Variants in SH3BP4 observed in about 807,000 individuals in gnomAD.
SH3BP4 encodes SH3 domain-binding protein 4.
Under a neutral mutation model 65.5 loss-of-function variants are expected in SH3BP4, and 33 were observed. The ratio of observed to expected loss-of-function variants is 0.50; its 90% CI spans 0.38 to 0.67. SH3BP4 has a LOEUF of 0.67. Among genes scored for constraint, SH3BP4 ranks in the 30% least tolerant of loss-of-function variants. The pLI is 0.00. For synonymous variants in SH3BP4, 552 were observed against 545.5 expected (o/e 1.01, Z -0.17); for missense variants, 1,134 against 1,261.4 (o/e 0.90, Z 1.53).
At chr2:235,039,304 C>T (rs79309730) in intron 3 of SH3BP4, among the ~76,000 whole-genome samples, 4,873 of 152,200 alleles carry the variant, frequency 0.032, 103 homozygotes, top group Non-Finnish European at 0.049. Flanking sequence ...CTAACACTTT[C>T]CCAAGGAAGT....
At chr2:235,010,846 C>T (rs376602787) in intron 2 of SH3BP4, among the ~76,000 whole-genome samples, 8 of 128,858 alleles carry the variant, frequency 6.2e-5, no homozygotes, top group African/African-American at 1.7e-4. Flanking sequence ...TAGGAGAACC[C>T]TTCCTCCCTC....
At chr2:234,999,863 C>G (rs138238858) in intron 2 of SH3BP4, among the ~76,000 whole-genome samples, 9 of 152,376 alleles carry the variant, frequency 5.9e-5, no homozygotes, top group African/African-American at 2.2e-4. Context: ...GTCACGCGGC[C>G]TCTGCTGCTC....
chr2:235,000,630 G>A (rs1044834282), intron 2 of SH3BP4, among the ~76,000 whole-genome samples: 12 of 152,320 alleles, frequency 7.9e-5, no homozygotes, highest in African/African-American at 1.4e-4. Flanking sequence ...TCCCCATTGC[G>A]TAGAGGTGGG....
intron 1 of SH3BP4, among the ~76,000 whole-genome samples, chr2:234,971,119 C>T (rs1052049313): frequency 1.3e-5 from 2 of 152,190 alleles, no homozygotes; most frequent in Non-Finnish European, 2.9e-5. Context: ...AGAATCTTCA[C>T]ACCTTTTTCA....
intron 1 of SH3BP4, among the ~76,000 whole-genome samples, chr2:234,968,192 C>G (rs1692887344): frequency 6.6e-6 from 1 of 152,064 alleles, no homozygotes; most frequent in Admixed American, 6.6e-5. Context: ...AATCTGAACT[C>G]TATTCAGGGA....
Position 235,055,443 on chromosome 2 carries a change from C to T in SH3BP4, c.*1627C>T, listed in dbSNP as rs1696194928. ...ATTCGCCAATCATCCCACCATATAA[C>T]CTTCGATTGTGCTTCTCAACTCCAC... On this transcript the variant is annotated 3_prime_UTR_variant, in exon 6 of 6. Transcript: ENST00000392011. 2 of 152,570 alleles carry T rather than the reference C, an allele frequency of 1.3e-5. No homozygotes were observed. Among genetic ancestry groups the T allele is most frequent in the African/African-American group, 4.8e-5 (2 of 41,420 alleles). The allele number at this position is 152,570 out of a possible 1,614,324, so 9.5% of individuals were successfully genotyped here.
At chr2:235,022,600 G>A (rs34469870) in intron 2 of SH3BP4, among the ~76,000 whole-genome samples, 3,261 of 152,214 alleles carry the variant, frequency 0.021, 47 homozygotes, top group Non-Finnish European at 0.033. Flanking sequence ...TGTTGAAAGC[G>A]GGTGAATCGA....
intron 2 of SH3BP4, among the ~76,000 whole-genome samples, chr2:235,027,424 CA>C: frequency 6.8e-6 from 1 of 147,326 alleles, no homozygotes; most frequent in East Asian, 2.1e-4. Context: ...CCGTCAGTAA[CA>C]GGAGGACCGA....
chr2:235,046,407 A>G lies in SH3BP4; in HGVS notation c.2478+3160A>G, dbSNP rs763132101. On this transcript the variant is annotated intron_variant, in intron 4 of 5. Transcript: ENST00000392011. This position sits in a 1 kb window ranked among gnomAD's most constrained non-coding sequence, Gnocchi z 4.2. ...AACATAGTGAGGCTTCATCTCTCCA[A>G]TTTTTTTTTTTTAAATCAGCCAGGT... 1.4e-5 allele frequency among the ~76,000 whole-genome samples: 2 copies of G among 146,624 alleles called. No individual in the cohort carries two copies. The highest frequency in any genetic ancestry group is 3.0e-5 in the Non-Finnish European group (2 of 66,194).
rs1326815129 is a variant in SH3BP4, at chr2:234,997,966, C to CA, written c.-133+2597dup. Among the ~76,000 whole-genome samples, 11 of 151,806 alleles carry CA rather than the reference C, an allele frequency of 7.2e-5. No homozygotes were observed. Among genetic ancestry groups the CA allele is most frequent in the African/African-American group, 1.5e-4 (6 of 41,308 alleles). ...TGAAACCCTGTCTCTACTAAAAATA[C>CA]AAAAAAATTAGCCGGGCGTGGTGGT... On this transcript the variant is annotated intron_variant, in intron 2 of 5. Coordinates refer to ENST00000392011, the MANE Select transcript of SH3BP4 (RefSeq NM_014521.3). The surrounding 1 kb of genome is among the most constrained non-coding windows in gnomAD (Gnocchi z 4.2).
chr2:234,988,031 C>G (rs183298764), intron 1 of SH3BP4, among the ~76,000 whole-genome samples: 70 of 152,246 alleles, frequency 4.6e-4, no homozygotes, highest in Admixed American at 2.0e-3. Flanking sequence ...GCATTTTCCT[C>G]AGGTGTTTAA....
chr2:234,969,936 TACAC>T lies in SH3BP4; in HGVS notation c.-207+17773_-207+17776del, dbSNP rs72458630. ...ACTCTGTCACACACACACATTTGCA[TACAC>T]ACACACTCCCTGTCTCTCACACACA... On this transcript the variant is annotated intron_variant, in intron 1 of 5. Transcript: ENST00000392011. Among the ~76,000 whole-genome samples the T allele has an allele frequency of 4.7e-5, 7 of 148,768 alleles. No individual in the cohort carries two copies. The South Asian group carries it at 1.5e-3, about 32-fold the overall frequency.
chr2:234,990,589 C>T (rs532630719), intron 1 of SH3BP4, among the ~76,000 whole-genome samples: 2 of 152,340 alleles, frequency 1.3e-5, no homozygotes, highest in South Asian at 4.1e-4. Flanking sequence ...CGTGGACCAG[C>T]TCTTGGTGTG....
At chr2:235,038,232 T>G in intron 3 of SH3BP4, among the ~76,000 whole-genome samples, 1 of 59,894 alleles carries the variant, frequency 1.7e-5, no homozygotes, top group African/African-American at 8.0e-5. Flanking sequence ...AAAGGATATA[T>G]GTATTTTATA....
At chr2:235,005,015 C>T (rs922777569) in intron 2 of SH3BP4, among the ~76,000 whole-genome samples, 1 of 152,212 alleles carries the variant, frequency 6.6e-6, no homozygotes, top group Non-Finnish European at 1.5e-5. Context: ...CATGGACCAG[C>T]AAGGGTCGCT....
At chr2:234,956,361 C>G (rs1345505206) in intron 1 of SH3BP4, among the ~76,000 whole-genome samples, 1 of 152,138 alleles carries the variant, frequency 6.6e-6, no homozygotes, top group East Asian at 1.9e-4. Context: ...TTCCACCTTC[C>G]TCTTTACAAT....
chr2:234,967,290 T>A lies in SH3BP4; in HGVS notation c.-207+15120T>A, dbSNP rs765640664. On this transcript the variant is annotated intron_variant, in intron 1 of 5. Transcript: ENST00000392011. The surrounding 1 kb of genome is among the most constrained non-coding windows in gnomAD (Gnocchi z 4.6). Reference sequence around the variant, plus strand: ...CAGACTGGGGAGCAGGATGGGGCTGTGTTGTGGGAGGTAGGGAACCTGAGG... The same window carrying A: ...CAGACTGGGGAGCAGGATGGGGCTGAGTTGTGGGAGGTAGGGAACCTGAGG... Among the ~76,000 whole-genome samples the A allele has an allele frequency of 6.6e-6, 1 of 151,798 alleles. No individual in the cohort carries two copies. The highest frequency in any genetic ancestry group is 1.5e-5 in the Non-Finnish European group (1 of 67,938).
At chr2:234,983,177 C>G (rs1000612512) in intron 1 of SH3BP4, 1 of 152,244 alleles carries the variant, frequency 6.6e-6, no homozygotes, top group African/African-American at 2.4e-5. Context: ...TGCGAAACAC[C>G]CGGGTGCCAA....
intron 4 of SH3BP4, among the ~76,000 whole-genome samples, chr2:235,051,232 CGCTT>C (rs1696042238): frequency 6.6e-6 from 1 of 152,156 alleles, no homozygotes; most frequent in Non-Finnish European, 1.5e-5. Context: ...GCGCCAGAGT[CGCTT>C]GCATGACACC....
Sources: allele counts gnomAD v4.1 joint callset (sites outside exome capture counted in the v4.1 genomes callset), GRCh38; gene constraint gnomAD v4.1.1; non-coding constraint Gnocchi (gnomAD v3.1); transcripts MANE v1.5; gene names NCBI Gene and HGNC (gene_info 2026-07-23, HGNC 2026-07-21).